Variants in EDA observed in about 807,000 individuals in gnomAD.
The protein encoded by EDA is ectodysplasin-A.
Under a neutral mutation model 23.6 loss-of-function variants are expected in EDA, and 2 were observed. The observed-to-expected ratio is 0.08, with a 90% CI of 0.03 to 0.27. EDA has a LOEUF of 0.27. Ranked by LOEUF, EDA falls within the 10% of genes least tolerant of loss-of-function variation. The probability of loss-of-function intolerance (pLI) is 1.00; values close to 1 mark genes in which losing one functional copy is unlikely to be tolerated. For missense variants in EDA, 229 were observed against 324.2 expected, an observed-to-expected ratio of 0.71 and a Z score of 2.26; for synonymous variants, 131 against 132.0, an observed-to-expected ratio of 0.99 and a Z score of 0.05.
intron 1 of EDA, among the ~76,000 whole-genome samples, chrX:69,716,367 T>A (rs2012334497): frequency 8.9e-6 from 1 of 111,824 alleles, no homozygotes; most frequent in African/African-American, 3.3e-5. Flanking sequence ...TTGTCAAAGA[T>A]CAGATAGTTG....
At position 70,035,636 on chromosome X, in the gene EDA, GCCCC is replaced by G. The variant is rs755739232; in HGVS notation, c.*28_*31del. 1.7e-6 allele frequency: 2 copies of G among 1,205,497 alleles called. No homozygotes were observed. Reference sequence around the variant, plus strand: ...TTCCCCCCATTTTGCCTCTGTCCGTGCCCCTTCCCTGGGTTTGGGAGCCAGGACT... The same window carrying G: ...TTCCCCCCATTTTGCCTCTGTCCGTGTTCCCTGGGTTTGGGAGCCAGGACT... On this transcript the variant is annotated 3_prime_UTR_variant, in exon 8 of 8. Coordinates refer to ENST00000374552, the MANE Select transcript of EDA (RefSeq NM_001399.5).
intron 1 of EDA, among the ~76,000 whole-genome samples, chrX:69,721,358 C>T (rs914499920): frequency 6.3e-5 from 7 of 111,869 alleles, no homozygotes; most frequent in African/African-American, 2.0e-4. Context: ...TCTCTGGTTC[C>T]GTTTTCTTTC....
chrX:70,030,674 G>A (rs1289319596), intron 6 of EDA, among the ~76,000 whole-genome samples, 154 bp downstream of exon 6: 1 of 112,122 alleles, frequency 8.9e-6, no homozygotes, highest in East Asian at 2.8e-4. Flanking sequence ...TCTACTGGCT[G>A]TCCTGAGCAA....
At chrX:69,691,102 A>G (rs1415142748) in intron 1 of EDA, among the ~76,000 whole-genome samples, 1 of 111,818 alleles carries the variant, frequency 8.9e-6, no homozygotes, top group Non-Finnish European at 1.9e-5. Context: ...AGAAGTAGCA[A>G]ATTAATCATT....
At chrX:70,012,845 G>A (rs1049391671) in intron 2 of EDA, among the ~76,000 whole-genome samples, 27 of 110,671 alleles carry the variant, frequency 2.4e-4, no homozygotes, top group Non-Finnish European at 5.7e-5. Flanking sequence ...CCACCCCACC[G>A]CTACCTGGGC....
At chrX:69,929,686 C>T (rs1443438477) in intron 1 of EDA, among the ~76,000 whole-genome samples, 8 of 98,609 alleles carry the variant, frequency 8.1e-5, no homozygotes, top group Non-Finnish European at 2.0e-5. Flanking sequence ...TAACAGAAAA[C>T]ACTTCACTTC....
rs1462169761 is a variant in EDA, at chrX:69,628,812, C to A, written c.396+12108C>A. On this transcript the variant is annotated intron_variant, in intron 1 of 7. Transcript: ENST00000374552. Reference sequence around the variant, plus strand: ...TGTTGATTTATATTGTTCATGATGTCTCTTGCATGACTCCCTTTCTTTCTA... The same window carrying A: ...TGTTGATTTATATTGTTCATGATGTATCTTGCATGACTCCCTTTCTTTCTA... Among the ~76,000 whole-genome samples the A allele has an allele frequency of 2.7e-5, 3 of 110,974 alleles. No individual in the cohort carries two copies. The East Asian group carries it at 8.6e-4, about 32-fold the overall frequency.
chrX:69,655,564 C>T (rs1933282171), intron 1 of EDA, among the ~76,000 whole-genome samples: 1 of 106,645 alleles, frequency 9.4e-6, no homozygotes, highest in Admixed American at 1.0e-4. Context: ...TCTTCAGATC[C>T]TCAGTTTTGT....
intron 1 of EDA, among the ~76,000 whole-genome samples, chrX:69,720,886 AGTT>A (rs1221597888): frequency 9.0e-6 from 1 of 111,430 alleles, no homozygotes; most frequent in African/African-American, 3.3e-5. Flanking sequence ...TTCTTCTTCA[AGTT>A]GTTATTGTCT....
intron 3 of EDA, 59 bp downstream of exon 3, chrX:70,023,300 A>C: frequency 1.1e-6 from 1 of 876,905 alleles, no homozygotes; most frequent in Non-Finnish European, 1.6e-6. Context: ...AGTTAGAAGA[A>C]AAAAATCAAG....
At chrX:69,673,718 T>C (rs1227975518) in intron 1 of EDA, among the ~76,000 whole-genome samples, 1 of 111,800 alleles carries the variant, frequency 8.9e-6, no homozygotes, top group Non-Finnish European at 1.9e-5. Flanking sequence ...ATGAAATTTA[T>C]TGTCTGAATC....
rs192309477 is a variant in EDA, at chrX:69,730,543, A to G, written c.396+113839A>G. On this transcript the variant is annotated intron_variant, in intron 1 of 7. Transcript: ENST00000374552. ...TAGAAGTATAATGTTCTTGCATATT[A>G]AATCCTTTCTAGTCTTCAGACCTTC... Among the ~76,000 whole-genome samples, 5 of 112,049 alleles carry G rather than the reference A, an allele frequency of 4.5e-5. No individual in the cohort carries two copies. The Admixed American group carries it at 4.7e-4, about 11-fold the overall frequency.
rs199720153 is a variant in EDA, at chrX:69,806,554, CA to C, written c.397-150472del. Among the ~76,000 whole-genome samples the C allele has an allele frequency of 1.4e-3, 153 of 111,159 alleles. 3 individuals are homozygous for C. In the East Asian group the frequency reaches 0.039, roughly 28 times the overall value. ...ACAAAAAGACAATGTACCCCACCTT[CA>C]TGGAGCATACAATAATTTAGTGGGA... On this transcript the variant is annotated intron_variant, in intron 1 of 7. Coordinates refer to ENST00000374552, the MANE Select transcript of EDA (RefSeq NM_001399.5).
At chrX:69,856,251 C>T (rs1166724702) in intron 1 of EDA, among the ~76,000 whole-genome samples, 3 of 64,287 alleles carry the variant, frequency 4.7e-5, no homozygotes, top group Admixed American at 1.8e-4. Context: ...AGTAGTATTC[C>T]ATGGTGTGTG....
intron 1 of EDA, among the ~76,000 whole-genome samples, chrX:69,931,573 G>A (rs112191164): frequency 0.021 from 2,354 of 111,147 alleles, 68 homozygotes; most frequent in African/African-American, 0.073. Flanking sequence ...CTTCACTAAA[G>A]AAGATATATG....
intron 1 of EDA, among the ~76,000 whole-genome samples, chrX:69,627,414 A>G (rs1421487879): frequency 3.6e-5 from 4 of 111,234 alleles, no homozygotes; most frequent in Admixed American, 2.9e-4. Context: ...AAAATATATC[A>G]TACAGATCAT....
intron 1 of EDA, among the ~76,000 whole-genome samples, chrX:69,863,322 C>T (rs1420298332): frequency 2.7e-5 from 3 of 109,487 alleles, no homozygotes; most frequent in African/African-American, 1.0e-4. Context: ...CAATCATGTG[C>T]ACACAACTTT....
intron 1 of EDA, among the ~76,000 whole-genome samples, chrX:69,936,855 T>C (rs2018680333): frequency 8.9e-6 from 1 of 112,212 alleles, no homozygotes; most frequent in Admixed American, 9.5e-5. Flanking sequence ...TATTCAATGA[T>C]GTAGCTTTCT....
chrX:69,782,244 A>T (rs1200590413), intron 1 of EDA, among the ~76,000 whole-genome samples: 1 of 108,832 alleles, frequency 9.2e-6, no homozygotes, highest in Non-Finnish European at 1.9e-5. Flanking sequence ...CAAGATGGGG[A>T]TGGGGTGACT....
Sources: gnomAD v4.1 joint callset for allele counts (sites outside exome capture counted in the v4.1 genomes callset) on GRCh38, gnomAD v4.1.1 for gene constraint, MANE v1.5 for transcripts, NCBI Gene and HGNC (gene_info 2026-07-23, HGNC 2026-07-21) for gene names.